Variants in SLCO1B1 observed in about 807,000 individuals in gnomAD.
SLCO1B1 encodes OATP-2.
In SLCO1B1, 81 loss-of-function variants were observed where a neutral mutation model predicts 70.1. That is an observed-to-expected ratio of 1.16 (90% CI 0.97 to 1.39). SLCO1B1 has a LOEUF of 1.39. SLCO1B1 is among the 40% of genes most tolerant of loss of function. SLCO1B1 has a pLI of 0.00. For synonymous variants in SLCO1B1, 283 were observed against 271.5 expected, an observed-to-expected ratio of 1.04 and a Z score of -0.42; for missense variants, 895 against 799.6, an observed-to-expected ratio of 1.12 and a Z score of -1.44.
chr12:21,159,671 C>A (rs535726628), intron 2 of SLCO1B1, among the ~76,000 whole-genome samples: 1 of 152,008 alleles, frequency 6.6e-6, no homozygotes, highest in African/African-American at 2.4e-5. Context: ...AAACAATGGT[C>A]TATGGTCAAA....
intron 7 of SLCO1B1, among the ~76,000 whole-genome samples, chr12:21,181,072 G>A (rs1203384221): frequency 6.6e-6 from 1 of 152,166 alleles, no homozygotes; most frequent in African/African-American, 2.4e-5. Context: ...TAGAATAGGA[G>A]AATTCTTTTG....
chr12:21,135,162 C>A (rs187927814), intron 1 of SLCO1B1, among the ~76,000 whole-genome samples: 14 of 152,254 alleles, frequency 9.2e-5, no homozygotes, highest in Non-Finnish European at 2.1e-4. Flanking sequence ...GTTTCTTAAT[C>A]CTGAGTTCTA....
intron 12 of SLCO1B1, among the ~76,000 whole-genome samples, chr12:21,217,534 A>G (rs1941374102): frequency 6.6e-6 from 1 of 152,136 alleles, no homozygotes; most frequent in Admixed American, 6.5e-5. Context: ...TTCTCTTACT[A>G]AGAATCTGAA....
At chr12:21,151,119 C>G (rs1302774155) in intron 2 of SLCO1B1, among the ~76,000 whole-genome samples, 1 of 152,132 alleles carries the variant, frequency 6.6e-6, no homozygotes, top group Non-Finnish European at 1.5e-5. Context: ...GCTACCAAAA[C>G]CTGTACATTA....
chr12:21,146,334 C>G (rs2121049536), intron 2 of SLCO1B1, among the ~76,000 whole-genome samples: 1 of 152,090 alleles, frequency 6.6e-6, no homozygotes, highest in East Asian at 1.9e-4. Flanking sequence ...TGTGCCTTCC[C>G]TCATCTTCTT....
intron 9 of SLCO1B1, 151 bp downstream of exon 9, chr12:21,200,823 A>T (rs1192471293): frequency 1.4e-5 from 9 of 650,612 alleles, no homozygotes; most frequent in Non-Finnish European, 2.2e-5. Flanking sequence ...GTTATTAAAC[A>T]TATAAAACTT....
Position 21,158,144 on chromosome 12 carries a change from A to G in SLCO1B1, c.85-14506A>G, listed in dbSNP as rs187563099. Among the ~76,000 whole-genome samples, 134 of 152,290 alleles carry G rather than the reference A, an allele frequency of 8.8e-4. 2 individuals carry two copies. The East Asian group carries it at 0.015, about 17-fold the overall frequency. ...TAAGACTATTTAAATTTCAACAAAC[A>G]TTTAACAAGTGTATACCCATCCTAT... On this transcript the variant is annotated intron_variant, in intron 2 of 14. Coordinates refer to ENST00000256958, the MANE Select transcript of SLCO1B1 (RefSeq NM_006446.5).
At chr12:21,230,276 G>A (rs986356096) in intron 14 of SLCO1B1, among the ~76,000 whole-genome samples, 28 of 149,156 alleles carry the variant, frequency 1.9e-4, no homozygotes, top group Admixed American at 1.6e-3. Context: ...GATATTTTTT[G>A]AGAATTTTTG....
chr12:21,214,748 C>T (rs1367178397), intron 11 of SLCO1B1, among the ~76,000 whole-genome samples: 1 of 152,140 alleles, frequency 6.6e-6, no homozygotes, highest in East Asian at 1.9e-4. Flanking sequence ...AAGACAGGTG[C>T]GGGATGTAAT....
intron 11 of SLCO1B1, among the ~76,000 whole-genome samples, chr12:21,214,141 C>G (rs2121172940): frequency 6.6e-6 from 1 of 152,312 alleles, no homozygotes; most frequent in Middle Eastern, 3.4e-3. Context: ...AGGTGCTCTG[C>G]TTTCTATAGT....
rs535303037 is a variant in SLCO1B1, at chr12:21,167,524, G to A, written c.85-5126G>A. Among the ~76,000 whole-genome samples the A allele has an allele frequency of 5.3e-5, 8 of 152,248 alleles. No individual in the cohort carries two copies. In the East Asian group the frequency reaches 1.5e-3, roughly 29 times the overall value. ...TAGGAGAGGTTAATTCTCTCAGCAGGAGACCACTCACATTACTTTTTTCTC... is the reference window on the plus strand; with the variant it reads ...TAGGAGAGGTTAATTCTCTCAGCAGAAGACCACTCACATTACTTTTTTCTC... On this transcript the variant is annotated intron_variant, in intron 2 of 14. Coordinates refer to ENST00000256958, the MANE Select transcript of SLCO1B1 (RefSeq NM_006446.5).
At chr12:21,155,504 T>A (rs914975013) in intron 2 of SLCO1B1, among the ~76,000 whole-genome samples, 1 of 152,202 alleles carries the variant, frequency 6.6e-6, no homozygotes. Flanking sequence ...CCTTATGGTG[T>A]CTTCAAACCA....
Position 21,176,794 on chromosome 12 carries a change from A to C in SLCO1B1, c.378A>C (p.Glu126Asp). 1 of 1,540,954 alleles carries C rather than the reference A, an allele frequency of 6.5e-7. No individual in the cohort carries two copies. Among genetic ancestry groups the C allele is most frequent in the Non-Finnish European group, 9.0e-7 (1 of 1,114,558 alleles). ...FFMGYYRYSK[E>D]TNINSSENST... ...CTTACAGTTACAGGTATTCTAAAGA[A>C]ACTAATATCAATTCATCAGAAAATT... Residue 126 changes from glutamate to aspartate, a missense_variant, in exon 5 of 15, where the codon GAA becomes GAC. Glu to Asp is a conservative substitution (Grantham distance 45). Transcript: ENST00000256958.
intron 7 of SLCO1B1, among the ~76,000 whole-genome samples, chr12:21,190,282 G>A (rs1231944573): frequency 6.6e-6 from 1 of 152,226 alleles, no homozygotes; most frequent in Non-Finnish European, 1.5e-5. Flanking sequence ...CACACAGATT[G>A]TGTTGGCTCC....
At chr12:21,190,169 A>T (rs937010641) in intron 7 of SLCO1B1, among the ~76,000 whole-genome samples, 2 of 152,280 alleles carry the variant, frequency 1.3e-5, no homozygotes, top group Admixed American at 6.5e-5. Flanking sequence ...AGTATAGGGG[A>T]ATTTATCTAA....
Position 21,213,827 on chromosome 12 carries a change from G to A in SLCO1B1, c.1498-3292G>A, listed in dbSNP as rs1301046624. Among the ~76,000 whole-genome samples, 7 of 148,902 alleles carry A rather than the reference G, an allele frequency of 4.7e-5. No homozygotes were observed. In the East Asian group the frequency reaches 8.0e-4, roughly 17 times the overall value. ...CATTTCATTCATTTCATCTTCCATT[G>A]CTGATACCCTTTCTTCCAGTTGATC... On this transcript the variant is annotated intron_variant, in intron 11 of 14. Transcript: ENST00000256958.
At chr12:21,152,533 C>CTGTTTTTTTTTTTTTTTTTT (rs1940484981) in intron 2 of SLCO1B1, among the ~76,000 whole-genome samples, 3 of 34,352 alleles carry the variant, frequency 8.7e-5, no homozygotes, top group African/African-American at 1.0e-4. Flanking sequence ...AGAGGAGAGG[C>CTGTTTTTTTTTTTTTTTTTT]TTTTTTTTTT....
chr12:21,223,742 C>CA (rs4149104), intron 13 of SLCO1B1, among the ~76,000 whole-genome samples: 48,240 of 150,526 alleles, frequency 0.32, 8,182 homozygotes, highest in East Asian at 0.45. Context: ...CACCACAATA[C>CA]AAAAAAAAAC....
chr12:21,208,542 A>G (rs1941240392), intron 11 of SLCO1B1, among the ~76,000 whole-genome samples: 1 of 152,062 alleles, frequency 6.6e-6, no homozygotes, highest in African/African-American at 2.4e-5. Context: ...CTTGCAGTAT[A>G]GTTTGATATC....
Sources: allele counts gnomAD v4.1 joint callset (sites outside exome capture counted in the v4.1 genomes callset), GRCh38; gene constraint gnomAD v4.1.1; transcripts MANE v1.5; gene names NCBI Gene and HGNC (gene_info 2026-07-23, HGNC 2026-07-21).